Variants in RBFOX1 observed in about 807,000 individuals in gnomAD.
RBFOX1 encodes RNA binding fox-1 homolog 1, also known as RNA binding protein fox-1 homolog 1.
RBFOX1 carries 8 observed loss-of-function variants against 57.7 expected under a neutral mutation model. The observed-to-expected ratio is 0.14, with a 90% CI of 0.08 to 0.25. The LOEUF is 0.25. RBFOX1 is among the 10% of genes least tolerant of loss of function. The pLI is 1.00. For synonymous variants in RBFOX1, 326 were observed against 222.4 expected (o/e 1.47, Z -4.15); for missense variants, 611 against 548.5 (o/e 1.11, Z -1.14).
chr16:5,986,929 A>T (rs1214212770), intron 4 of RBFOX1, among the ~76,000 whole-genome samples: 4 of 152,180 alleles, frequency 2.6e-5, no homozygotes, highest in Non-Finnish European at 5.9e-5. Flanking sequence ...TTGGATGTTT[A>T]GTTTATGTGT....
At chr16:7,044,942 T>C (rs902696598) in intron 3 of RBFOX1, among the ~76,000 whole-genome samples, 12 of 152,216 alleles carry the variant, frequency 7.9e-5, no homozygotes, top group African/African-American at 2.6e-4. Context: ...ACTTACTGAG[T>C]CTTCCAAGAA....
intron 3 of RBFOX1, among the ~76,000 whole-genome samples, chr16:6,907,858 G>A (rs546542299): frequency 6.6e-6 from 1 of 151,804 alleles, no homozygotes; most frequent in Non-Finnish European, 1.5e-5. Context: ...ACAGGCATGA[G>A]CCCCCATGCC....
chr16:5,253,097 T>G (rs1453314827), intron 1 of RBFOX1, among the ~76,000 whole-genome samples: 1 of 152,160 alleles, frequency 6.6e-6, no homozygotes, highest in African/African-American at 2.4e-5. Flanking sequence ...GGCTCAGCTT[T>G]GGAAGAAAGC....
intron 4 of RBFOX1, among the ~76,000 whole-genome samples, chr16:5,931,338 G>A (rs554304147): frequency 1.3e-5 from 2 of 152,270 alleles, no homozygotes; most frequent in South Asian, 4.2e-4. Flanking sequence ...TGCGGGGAAA[G>A]GGGACTGAAT....
At chr16:7,529,709 A>G (rs905457879) in intron 5 of RBFOX1, among the ~76,000 whole-genome samples, 1 of 151,828 alleles carries the variant, frequency 6.6e-6, no homozygotes, top group Non-Finnish European at 1.5e-5. Flanking sequence ...AATCTTGGAA[A>G]CTCAAGAGGT....
chr16:5,739,729 G>A (rs1372607388), intron 3 of RBFOX1, among the ~76,000 whole-genome samples: 1 of 152,234 alleles, frequency 6.6e-6, no homozygotes, highest in Non-Finnish European at 1.5e-5. Context: ...GCTGGGACAG[G>A]AAATCCTGTG....
At chr16:5,885,434 A>G (rs1232137327) in intron 4 of RBFOX1, among the ~76,000 whole-genome samples, 1 of 152,188 alleles carries the variant, frequency 6.6e-6, no homozygotes, top group East Asian at 1.9e-4. Context: ...TGCAAGGTTA[A>G]GAAAAGCATC....
At chr16:5,851,642 C>T (rs762841869) in intron 3 of RBFOX1, among the ~76,000 whole-genome samples, 8 of 152,174 alleles carry the variant, frequency 5.3e-5, no homozygotes, top group South Asian at 2.1e-4. Context: ...ATGGCTATGG[C>T]GAAACATAAA....
At chr16:5,559,621 G>C (rs1442204633) in intron 2 of RBFOX1, among the ~76,000 whole-genome samples, 2 of 152,124 alleles carry the variant, frequency 1.3e-5, no homozygotes, top group Admixed American at 6.5e-5. Flanking sequence ...CTCCACCTGG[G>C]ACCTTGATAC....
At chr16:6,484,469 A>G (rs140946108) in intron 2 of RBFOX1, among the ~76,000 whole-genome samples, 65 of 152,282 alleles carry the variant, frequency 4.3e-4, no homozygotes, top group African/African-American at 1.5e-3. Context: ...ATGACATGGA[A>G]TAAGAGTTGC....
intron 3 of RBFOX1, among the ~76,000 whole-genome samples, chr16:5,840,066 A>G (rs1306033121): frequency 1.3e-5 from 2 of 152,188 alleles, no homozygotes; most frequent in East Asian, 3.8e-4. Context: ...TCCATTGTTG[A>G]CAGTCCATTT....
chr16:5,377,410 C>A (rs1367348001), intron 1 of RBFOX1, among the ~76,000 whole-genome samples: 1 of 151,018 alleles, frequency 6.6e-6, no homozygotes, highest in East Asian at 1.9e-4. Context: ...AGGCAAATCA[C>A]AAAGGGAAAA....
Position 6,727,327 on chromosome 16 carries a change from C to T in RBFOX1, c.-16+72677C>T, listed in dbSNP as rs187511439. Among the ~76,000 whole-genome samples, 21 of 152,060 alleles carry T rather than the reference C, an allele frequency of 1.4e-4. No homozygotes were observed. The East Asian group carries it at 3.9e-3, about 28-fold the overall frequency. On this transcript the variant is annotated intron_variant, in intron 3 of 15. Transcript: ENST00000550418. ...TTCAGTAGAAAAAAAAACGCAATTG[C>T]TTTTGCACCAACCTAATAGAAACTA...
chr16:7,009,195 T>G (rs2093521268), intron 3 of RBFOX1, among the ~76,000 whole-genome samples: 1 of 122,896 alleles, frequency 8.1e-6, no homozygotes, highest in Admixed American at 9.5e-5. Context: ...TCTTTCTCTC[T>G]TCCTTTCCCT....
intron 3 of RBFOX1, among the ~76,000 whole-genome samples, chr16:6,918,145 G>C (rs982912039): frequency 2.0e-5 from 3 of 151,984 alleles, no homozygotes; most frequent in African/African-American, 4.8e-5. Context: ...GAAATTAGCT[G>C]GGTATGCTAG....
intron 3 of RBFOX1, among the ~76,000 whole-genome samples, chr16:6,949,847 A>G (rs900764448): frequency 6.6e-6 from 1 of 152,066 alleles, no homozygotes; most frequent in South Asian, 2.1e-4. Context: ...ACCCGGACAG[A>G]ATGCAATTCC....
intron 4 of RBFOX1, among the ~76,000 whole-genome samples, chr16:7,308,568 A>T (rs1456618101): frequency 6.6e-6 from 1 of 152,220 alleles, no homozygotes; most frequent in Non-Finnish European, 1.5e-5. Flanking sequence ...TTTCCCACTT[A>T]ATGATGATCC....
intron 4 of RBFOX1, among the ~76,000 whole-genome samples, chr16:5,981,525 G>A (rs1008439007): frequency 8.5e-5 from 13 of 152,136 alleles, no homozygotes; most frequent in African/African-American, 3.1e-4. Context: ...CTGGACTGAA[G>A]TGGCACCATC....
intron 4 of RBFOX1, among the ~76,000 whole-genome samples, chr16:7,297,646 T>G (rs1368482691): frequency 6.6e-6 from 1 of 152,166 alleles, no homozygotes; most frequent in Non-Finnish European, 1.5e-5. Flanking sequence ...TAAAAAAAAT[T>G]ATTCTTTAGG....
Sources: allele counts gnomAD v4.1 joint callset (sites outside exome capture counted in the v4.1 genomes callset), GRCh38; gene constraint gnomAD v4.1.1; transcripts MANE v1.5; gene names NCBI Gene and HGNC (gene_info 2026-07-23, HGNC 2026-07-21).